CILP2: variants seen among roughly 807,000 people sequenced by gnomAD.
CILP2 encodes the protein cartilage intermediate layer protein 2, also known as CILP-2.
Under a neutral mutation model 45.6 loss-of-function variants are expected in CILP2, and 38 were observed. That is an observed-to-expected ratio of 0.83 (90% CI 0.64 to 1.09). CILP2 has a LOEUF of 1.09. Ranked by LOEUF, CILP2 falls within the 50% of genes least tolerant of loss-of-function variation. CILP2 has a pLI of 0.00. For missense variants in CILP2, 1,735 were observed against 1,662.2 expected (o/e 1.04, Z -0.76); for synonymous variants, 780 against 723.5 (o/e 1.08, Z -1.25).
chr19:19,538,406 G>A lies in CILP2; in HGVS notation c.57G>A (p.Gly19=), dbSNP rs2061230587. ...GTGTCGTCGCTGCGCACCTGGCGGG[G>A]GCCCGAGGTGAGGCGCCTCCAGCCC... The part of the protein sequence containing the change: ...CLCVVAAHLA[G]ARDATPTEEP... The change falls in exon 1 of 8, where the codon GGG becomes GGA. Residue 19 remains glycine (G), a synonymous_variant. Transcript: ENST00000291495. 1.3e-6 allele frequency: 2 copies of A among 1,552,196 alleles called. No homozygotes were observed. Among genetic ancestry groups the A allele is most frequent in the African/African-American group, 1.4e-5 (1 of 70,474 alleles).
In CILP2 at chr19:19,544,313, G is replaced by T. The variant is rs371319583; in HGVS notation, c.1768G>T (p.Ala590Ser). 2 of 1,612,476 alleles carry T rather than the reference G, an allele frequency of 1.2e-6. No homozygotes were observed. Among genetic ancestry groups the T allele is most frequent in the Non-Finnish European group, 1.7e-6 (2 of 1,179,994 alleles). Residue 590 changes from alanine (A) to serine (S), a missense_variant, in exon 8 of 8, where the codon GCT (alanine) becomes TCT (serine). Ala to Ser is a moderately conservative substitution (Grantham distance 99, BLOSUM62 1). Coordinates refer to ENST00000291495, the MANE Select transcript of CILP2 (RefSeq NM_153221.2). ...GGGCGAGCTGGTCCTGCCTTCTGGC[G>T]CTTTCCGCAGAGCCGACGGCAAACC... The part of the protein sequence containing the change: ...PLGELVLPSG[A>S]FRRADGKPYS...
intron 4 of CILP2, among the ~76,000 whole-genome samples, chr19:19,541,796 CAGG>C (rs1217196957): frequency 6.6e-6 from 1 of 152,210 alleles, no homozygotes; most frequent in Non-Finnish European, 1.5e-5. Context: ...CCGGGCAAGC[CAGG>C]AGGAGACTGG....
At position 19,543,410 on chromosome 19, in the gene CILP2, G is replaced by A; in HGVS notation, c.1135+5G>A. The A allele has an allele frequency of 1.2e-6, 2 of 1,613,062 alleles. No homozygotes were observed. The highest frequency in any genetic ancestry group is 1.7e-6 in the Non-Finnish European group (2 of 1,179,874). On this transcript the variant is annotated splice_donor_5th_base_variant and intron_variant, in intron 7 of 7. Transcript: ENST00000291495. The stretch of plus-strand genomic sequence containing the variant: ...CTGCCCGGCTCACTGTACTTGGTGA[G>A]TGTCCTTGGCCACAGCCCCGAGCAA...
In CILP2 at chr19:19,545,617, C is replaced by T. The variant is rs200757357; in HGVS notation, c.3072C>T (p.Asn1024=). 5 of 1,607,678 alleles carry T rather than the reference C, an allele frequency of 3.1e-6. No homozygotes were observed. The Admixed American group carries it at 5.0e-5, about 16-fold the overall frequency. Residue 1024 remains asparagine, a synonymous_variant, in exon 8 of 8, where the codon AAC becomes AAT. Coordinates refer to ENST00000291495, the MANE Select transcript of CILP2 (RefSeq NM_153221.2). The part of the protein sequence containing the change: ...PQGSCRRVAV[N]GLLRDYLTRH... ...GCAGCTGCCGGCGCGTGGCCGTCAA[C>T]GGACTCCTTCGGGATTACCTGACCC...
In CILP2 at chr19:19,545,627, C is replaced by T. The variant is rs367725642; in HGVS notation, c.3082C>T (p.Arg1028Trp). The T allele has an allele frequency of 3.1e-6, 5 of 1,607,994 alleles. No homozygotes were observed. The highest frequency in any genetic ancestry group is 1.7e-4 in the Middle Eastern group (1 of 6,050). ...CRRVAVNGLL[R>W]DYLTRHPPPV... Reference sequence around the variant, plus strand: ...GCGCGTGGCCGTCAACGGACTCCTTCGGGATTACCTGACCCGGCACCCCCC... The same window carrying T: ...GCGCGTGGCCGTCAACGGACTCCTTTGGGATTACCTGACCCGGCACCCCCC... Residue 1028 changes from arginine (R) to tryptophan (W), a missense_variant, in exon 8 of 8, where the codon CGG (arginine) becomes TGG (tryptophan). Transcript: ENST00000291495.
Position 19,542,885 on chromosome 19 carries a change from A to C in CILP2, c.890A>C (p.His297Pro), listed in dbSNP as rs769359842. ...CCAGAGAAGCCGTACCTGGTGAAAC[A>C]CCCTGAGTCCCGAGTGCGAGAGGCT... ...DKLEKPYLVK[H>P]PESRVREAGQ... The change falls in exon 6 of 8, where the codon CAC becomes CCC. Residue 297 changes from histidine (H) to proline (P), a missense_variant. By Grantham distance (77) the His-to-Pro change is moderately conservative. Transcript: ENST00000291495. The C allele has an allele frequency of 6.2e-7, 1 of 1,613,886 alleles. No individual in the cohort carries two copies. Among genetic ancestry groups the C allele is most frequent in the Non-Finnish European group, 8.5e-7 (1 of 1,179,852 alleles).
rs770509171 is a variant in CILP2, at chr19:19,539,682, C to T, written c.68C>T (p.Ala23Val). 2.7e-5 allele frequency: 43 copies of T among 1,584,206 alleles called. No homozygotes were observed. Among genetic ancestry groups the T allele is most frequent in the Non-Finnish European group, 3.7e-5 (43 of 1,163,702 alleles). Residue 23 changes from alanine (A) to valine (V), a missense_variant, in exon 2 of 8, where the codon GCC becomes GTC. Physicochemically the swap from Ala to Val is moderately conservative, Grantham distance 64. Coordinates refer to ENST00000291495, the MANE Select transcript of CILP2 (RefSeq NM_153221.2). ...TCTCCCCACTCCTCACCCACAGACGCCACCCCCACCGAGGAGCCAATGGCG... is the reference window on the plus strand; with the variant it reads ...TCTCCCCACTCCTCACCCACAGACGTCACCCCCACCGAGGAGCCAATGGCG... Reference protein sequence around the residue: ...VAAHLAGARDATPTEEPMATA... With the variant: ...VAAHLAGARDVTPTEEPMATA...
rs772125198 is a variant in CILP2, at chr19:19,539,679, A to G, written c.65A>G (p.Asp22Gly). ...VVAAHLAGAR[D>G]ATPTEEPMAT... The stretch of plus-strand genomic sequence containing the variant: ...CCTTCTCCCCACTCCTCACCCACAG[A>G]CGCCACCCCCACCGAGGAGCCAATG... The change falls in exon 2 of 8, where the codon GAC becomes GGC. Residue 22 changes from aspartate (D) to glycine (G), a missense_variant and splice_region_variant. Asp to Gly is a moderately conservative substitution (Grantham distance 94). Coordinates refer to ENST00000291495, the MANE Select transcript of CILP2 (RefSeq NM_153221.2). 1 of 1,577,724 alleles carries G rather than the reference A, an allele frequency of 6.3e-7. No homozygotes were observed. Among genetic ancestry groups the G allele is most frequent in the East Asian group, 2.4e-5 (1 of 42,164 alleles).
At chr19:19,540,980 G>A (rs549396747) in intron 3 of CILP2, 111 bp from the exon 4 acceptor site, 1 of 1,013,442 alleles carries the variant, frequency 9.9e-7, no homozygotes, top group East Asian at 3.3e-5. Flanking sequence ...TCCGCCCTTG[G>A]ATGCACATAT....
rs2061250227 is a variant in CILP2, at chr19:19,543,049, T to A, written c.977+77T>A. Reference sequence around the variant, plus strand: ...TTCAATTTCATGTTGTTATGTGGTTTCCCATCTGGAGAGTGGGGAAAGCGT... The same window carrying A: ...TTCAATTTCATGTTGTTATGTGGTTACCCATCTGGAGAGTGGGGAAAGCGT... On this transcript the variant is annotated intron_variant, in intron 6 of 7. Transcript: ENST00000291495. 3.6e-6 allele frequency: 4 copies of A among 1,108,692 alleles called. No homozygotes were observed. In the South Asian group the frequency reaches 4.1e-5, roughly 11 times the overall value. 68.7% of individuals were successfully genotyped at this position (1,108,692 alleles called of 1,614,324 possible). A position where few individuals can be genotyped will look rare whatever the true frequency, so the allele number is the denominator to read the frequency against.
chr19:19,541,562 AG>A (rs2061244435), intron 4 of CILP2, among the ~76,000 whole-genome samples: 1 of 152,192 alleles, frequency 6.6e-6, no homozygotes, highest in Admixed American at 6.5e-5. Context: ...GGTGGATGCC[AG>A]GGGGCTCTTG....
Position 19,543,859 on chromosome 19 carries a change from C to T in CILP2, c.1314C>T (p.Cys438=). Residue 438 remains cysteine (C), a synonymous_variant, in exon 8 of 8, where the codon TGC becomes TGT. Transcript: ENST00000291495. The part of the protein sequence containing the change: ...PRCGDASSRC[C]SVRRLERREI... Reference sequence around the variant, plus strand: ...GCGGGGACGCCAGCTCCCGCTGCTGCTCTGTGCGCCGTCTGGAGAGAAGGG... The same window carrying T: ...GCGGGGACGCCAGCTCCCGCTGCTGTTCTGTGCGCCGTCTGGAGAGAAGGG... The T allele has an allele frequency of 6.2e-7, 1 of 1,613,910 alleles. No homozygotes were observed. The highest frequency in any genetic ancestry group is 8.5e-7 in the Non-Finnish European group (1 of 1,179,868).
In CILP2 at chr19:19,544,288, G is replaced by T. The variant is rs538776679; in HGVS notation, c.1743G>T (p.Leu581=). 5.0e-5 allele frequency: 80 copies of T among 1,613,268 alleles called. No individual in the cohort carries two copies. The highest frequency in any genetic ancestry group is 1.3e-4 in the Admixed American group (8 of 60,030). Reference sequence around the variant, plus strand: ...GCGAGCTGGAAGATGAGGCGCCCCTGGGCGAGCTGGTCCTGCCTTCTGGCG... The same window carrying T: ...GCGAGCTGGAAGATGAGGCGCCCCTTGGCGAGCTGGTCCTGCCTTCTGGCG... The part of the protein sequence containing the change: ...PLGELEDEAP[L]GELVLPSGAF... Residue 581 remains leucine (L), a synonymous_variant, in exon 8 of 8, where the codon CTG becomes CTT. Coordinates refer to ENST00000291495, the MANE Select transcript of CILP2 (RefSeq NM_153221.2).
rs762795166 is a variant in CILP2 at position 19,545,694 on chromosome 19, C to T, written c.3149C>T (p.Ala1050Val). 2 of 1,611,844 alleles carry T rather than the reference C, an allele frequency of 1.2e-6. No individual in the cohort carries two copies. Among genetic ancestry groups the T allele is most frequent in the South Asian group, 2.2e-5 (2 of 90,894 alleles). ...AEDPAAFSML[A>V]PLDPLGHNYG... ...GACCCAGCTGCCTTCTCCATGCTGGCCCCCCTAGACCCTCTGGGCCACAAC... is the reference window on the plus strand; with the variant it reads ...GACCCAGCTGCCTTCTCCATGCTGGTCCCCCTAGACCCTCTGGGCCACAAC... The change falls in exon 8 of 8, where the codon GCC (alanine) becomes GTC (valine). Residue 1050 changes from alanine (A) to valine (V), a missense_variant. Ala to Val is a moderately conservative substitution (Grantham distance 64). Transcript: ENST00000291495.
Position 19,543,704 on chromosome 19 carries a change from C to T in CILP2, c.1159C>T (p.Pro387Ser), listed in dbSNP as rs755211530. 4.4e-6 allele frequency: 7 copies of T among 1,598,302 alleles called. No homozygotes were observed. In the Admixed American group the frequency reaches 1.2e-4, roughly 27 times the overall value. ...VLAPGQPACD[P>S]RPREYLIKLP... ...AGCCCCAGGCCAGCCAGCCTGCGAC[C>T]CCCGGCCCCGAGAGTACCTGATCAA... The change falls in exon 8 of 8, where the codon CCC becomes TCC. Residue 387 changes from proline (P) to serine (S), a missense_variant. Pro to Ser is a moderately conservative substitution (Grantham distance 74). Coordinates refer to ENST00000291495, the MANE Select transcript of CILP2 (RefSeq NM_153221.2).
In CILP2 at chr19:19,546,575, A is replaced by G. The variant is rs906669377; in HGVS notation, c.*559A>G. The G allele has an allele frequency of 2.0e-5, 3 of 152,686 alleles. No individual in the cohort carries two copies. The highest frequency in any genetic ancestry group is 6.5e-5 in the Admixed American group (1 of 15,276). 9.5% of individuals were successfully genotyped at this position (152,686 alleles called of 1,614,324 possible). On this transcript the variant is annotated 3_prime_UTR_variant, in exon 8 of 8. Coordinates refer to ENST00000291495, the MANE Select transcript of CILP2 (RefSeq NM_153221.2). ...GGAGGCTCTGGGGCTGAGGGGAACA[A>G]TTCTCACGTGTTTGGTGCTTAGAGA... is the stretch of plus-strand genomic sequence containing the variant.
In CILP2 at chr19:19,541,252, AG is replaced by A; in HGVS notation, c.592+10del. On this transcript the variant is annotated splice_region_variant and intron_variant, in intron 4 of 7. Transcript: ENST00000291495. ...CGTGCGGCCTCGGTGTCCAGGTAGGAGGGGCGGGGTCTGGAGGCTGGGACCT... is the reference window on the plus strand; with the variant it reads ...CGTGCGGCCTCGGTGTCCAGGTAGGAGGGCGGGGTCTGGAGGCTGGGACCT... The A allele has an allele frequency of 7.8e-7, 1 of 1,283,316 alleles. No individual in the cohort carries two copies. Among genetic ancestry groups the A allele is most frequent in the Admixed American group, 3.4e-5 (1 of 29,848 alleles). 79.5% of individuals were successfully genotyped at this position (1,283,316 alleles called of 1,614,324 possible).
Position 19,545,782 on chromosome 19 carries a change from C to T in CILP2, c.3237C>T (p.Arg1079=), listed in dbSNP as rs1227894232. The T allele has an allele frequency of 1.2e-6, 2 of 1,604,690 alleles. No individual in the cohort carries two copies. Among genetic ancestry groups the T allele is most frequent in the Non-Finnish European group, 8.5e-7 (1 of 1,174,678 alleles). Reference sequence around the variant, plus strand: ...TGGCCAAGGAGATCGCCATTGGCCGCTGCTTTGATGGTTCCTCTGACGGCT... The same window carrying T: ...TGGCCAAGGAGATCGCCATTGGCCGTTGCTTTGATGGTTCCTCTGACGGCT... ...PRLAKEIAIG[R]CFDGSSDGFS... The change falls in exon 8 of 8, where the codon CGC becomes CGT. Residue 1079 remains arginine, a synonymous_variant. Coordinates refer to ENST00000291495, the MANE Select transcript of CILP2 (RefSeq NM_153221.2).
intron 2 of CILP2, 106 bp from the exon 3 acceptor site, chr19:19,540,098 C>G: frequency 7.3e-7 from 1 of 1,374,488 alleles, no homozygotes; most frequent in Non-Finnish European, 9.5e-7. Context: ...CTCGGCTAGC[C>G]GGTGCCCACC....
Sources: gnomAD v4.1 joint callset for allele counts (sites outside exome capture counted in the v4.1 genomes callset) on GRCh38, gnomAD v4.1.1 for gene constraint, MANE v1.5 for transcripts, NCBI Gene and HGNC (gene_info 2026-07-23, HGNC 2026-07-21) for gene names.